Variants in CRLF3 observed in about 807,000 individuals in gnomAD.
CRLF3 encodes cytokine receptor like factor 3.
A neutral mutation model predicts 55.0 loss-of-function variants in CRLF3; 33 were observed. That is an observed-to-expected ratio of 0.60 (90% CI 0.46 to 0.80). CRLF3 has a LOEUF of 0.80. Among genes scored for constraint, CRLF3 ranks in the 30% least tolerant of loss-of-function variants. The probability of loss-of-function intolerance (pLI) is 0.00; values close to 1 mark genes in which losing one functional copy is unlikely to be tolerated. For missense variants in CRLF3, 494 were observed against 538.4 expected, an observed-to-expected ratio of 0.92 and a Z score of 0.82; for synonymous variants, 238 against 196.8, an observed-to-expected ratio of 1.21 and a Z score of -1.75.
At chr17:30,810,074 A>G (rs1403908127) in intron 1 of CRLF3, 2 of 152,226 alleles carry the variant, frequency 1.3e-5, no homozygotes, top group Non-Finnish European at 2.9e-5. Flanking sequence ...GTGGACAACC[A>G]ATCAGCTTCA....
intron 3 of CRLF3, 60 bp downstream of exon 3, chr17:30,797,251 A>G: frequency 1.7e-6 from 2 of 1,180,054 alleles, no homozygotes; most frequent in Non-Finnish European, 1.3e-6. Context: ...CAGAGGGAGG[A>G]AAAAAGCAGA....
chr17:30,820,997 G>A (rs1014842265), intron 1 of CRLF3, among the ~76,000 whole-genome samples: 2 of 151,762 alleles, frequency 1.3e-5, no homozygotes, highest in African/African-American at 4.8e-5. Context: ...CGAGGCTGCA[G>A]TGAGTTCTGA....
At chr17:30,808,332 G>A (rs1904490566) in intron 1 of CRLF3, among the ~76,000 whole-genome samples, 1 of 142,368 alleles carries the variant, frequency 7.0e-6, no homozygotes, top group Non-Finnish European at 1.5e-5. Context: ...TTGTTACCCA[G>A]GCTGCAGTGC....
intron 4 of CRLF3, among the ~76,000 whole-genome samples, chr17:30,793,932 G>A (rs960481490): frequency 3.3e-5 from 5 of 151,830 alleles, no homozygotes; most frequent in Non-Finnish European, 5.9e-5. Flanking sequence ...TCCACACCCC[G>A]GGTTCAAGCC....
chr17:30,823,770 G>A (rs1012781008), intron 1 of CRLF3, among the ~76,000 whole-genome samples: 10 of 151,996 alleles, frequency 6.6e-5, no homozygotes, highest in Non-Finnish European at 1.2e-4. Context: ...TGCACCACTT[G>A]AAATTATATT....
rs1168127072 is a variant in CRLF3 at position 30,824,556 on chromosome 17, G to A, written c.96C>T (p.His32=). The change falls in exon 1 of 8, where the codon CAC becomes CAT. Residue 32 remains histidine, a synonymous_variant. Transcript: ENST00000324238. ...GCGCCTCACGCAGCCCCTCAAGCCG[G>A]TGACCCAGCTCCCGCCGGTAGCTCT... ...AAQSYRRELG[H]RLEGLREARR... is the part of the protein sequence containing the mutation. 4.4e-6 allele frequency: 7 copies of A among 1,600,696 alleles called. No individual in the cohort carries two copies. The highest frequency in any genetic ancestry group is 5.1e-6 in the Non-Finnish European group (6 of 1,177,812).
Position 30,784,014 on chromosome 17 carries a change from T to C in CRLF3, c.*173A>G, listed in dbSNP as rs188532658. 200 of 578,540 alleles carry C rather than the reference T, an allele frequency of 3.5e-4. 4 individuals carry two copies. In the Admixed American group the frequency reaches 6.6e-3, roughly 19 times the overall value. 35.8% of individuals were successfully genotyped at this position (578,540 alleles called of 1,614,324 possible). ...AAATTGACTGAATTGTATGATTTTGTCCACAACATTGAAGTCTCTTTTTGC... is the reference window on the plus strand; with the variant it reads ...AAATTGACTGAATTGTATGATTTTGCCCACAACATTGAAGTCTCTTTTTGC... On this transcript the variant is annotated 3_prime_UTR_variant, in exon 8 of 8. Transcript: ENST00000324238.
chr17:30,792,794 G>C, intron 5 of CRLF3: 1 of 401,440 alleles, frequency 2.5e-6, no homozygotes, highest in South Asian at 5.2e-5. Flanking sequence ...AATCACACAA[G>C]TGTTATCTCT....
intron 1 of CRLF3, among the ~76,000 whole-genome samples, chr17:30,820,511 G>A (rs574344891): frequency 3.4e-4 from 51 of 152,180 alleles, no homozygotes; most frequent in African/African-American, 9.4e-4. Flanking sequence ...AGCTGGGCAC[G>A]GTGGCTCACC....
chr17:30,794,984 G>A (rs868776576), intron 4 of CRLF3, among the ~76,000 whole-genome samples: 3 of 151,928 alleles, frequency 2.0e-5, no homozygotes, highest in Non-Finnish European at 4.4e-5. Context: ...ACTCTAAGAA[G>A]ACCTCATAAT....
At chr17:30,821,362 GGA>G (rs1904994142) in intron 1 of CRLF3, among the ~76,000 whole-genome samples, 1 of 111,922 alleles carries the variant, frequency 8.9e-6, no homozygotes, top group Admixed American at 9.5e-5. Flanking sequence ...AAAGAAAAAA[GGA>G]AAAAAAGTAT....
chr17:30,818,221 T>C (rs898927328), intron 1 of CRLF3, among the ~76,000 whole-genome samples: 1 of 151,320 alleles, frequency 6.6e-6, no homozygotes. Context: ...GATTGAGCCA[T>C]TGCACTCCAG....
intron 1 of CRLF3, 72 bp from the exon 2 acceptor site, chr17:30,804,180 G>C (rs1567664878): frequency 2.0e-6 from 2 of 1,017,914 alleles, no homozygotes; most frequent in East Asian, 2.4e-5. Flanking sequence ...TAATTCACAT[G>C]AATCTAAAAG....
At chr17:30,789,989 A>G (rs1185538625) in intron 6 of CRLF3, among the ~76,000 whole-genome samples, 1 of 151,810 alleles carries the variant, frequency 6.6e-6, no homozygotes, top group Non-Finnish European at 1.5e-5. Context: ...TTTAGGTATT[A>G]GTTGTTTTTT....
intron 1 of CRLF3, among the ~76,000 whole-genome samples, chr17:30,821,339 CAAAAAAAAAA>C: frequency 8.6e-6 from 1 of 116,228 alleles, no homozygotes; most frequent in Non-Finnish European, 1.9e-5. Context: ...GGTCCTTTCT[CAAAAAAAAAA>C]AAAAAGAAAA....
At chr17:30,791,709 G>A (rs1232604513) in intron 6 of CRLF3, among the ~76,000 whole-genome samples, 1 of 143,868 alleles carries the variant, frequency 7.0e-6, no homozygotes. Context: ...GTAGAGATGG[G>A]GTTTCACCAT....
chr17:30,811,347 C>CG, intron 1 of CRLF3, among the ~76,000 whole-genome samples: 1 of 151,264 alleles, frequency 6.6e-6, no homozygotes, highest in East Asian at 2.0e-4. Context: ...CCCAGCTACT[C>CG]GGAGGCTGAG....
At chr17:30,787,544 AAAT>A (rs1356142301) in intron 6 of CRLF3, 2 of 152,330 alleles carry the variant, frequency 1.3e-5, no homozygotes, top group African/African-American at 4.8e-5. Context: ...ACAAAAAAAA[AAAT>A]TAGTGTGAAA....
In CRLF3 at chr17:30,793,684, AG is replaced by A; in HGVS notation, c.604-13del. On this transcript the variant is annotated splice_polypyrimidine_tract_variant and intron_variant, in intron 4 of 7. Coordinates refer to ENST00000324238, the MANE Select transcript of CRLF3 (RefSeq NM_015986.4). ...AAGTCATCATCCACCTAGGGAGAAA[AG>A]CTTTATGTTAGGTAAAAAACAGAAA... is the stretch of plus-strand genomic sequence containing the variant. 6.3e-7 allele frequency: 1 copy of A among 1,582,934 alleles called. No homozygotes were observed. The highest frequency in any genetic ancestry group is 1.1e-5 in the South Asian group (1 of 89,512).
Sources: allele counts gnomAD v4.1 joint callset (sites outside exome capture counted in the v4.1 genomes callset), GRCh38; gene constraint gnomAD v4.1.1; transcripts MANE v1.5; gene names NCBI Gene and HGNC (gene_info 2026-07-23, HGNC 2026-07-21).